Variants in EEA1 observed in about 807,000 individuals in gnomAD.
The protein encoded by EEA1 is early endosome antigen 1.
A neutral mutation model predicts 209.2 loss-of-function variants in EEA1; 111 were observed. The ratio of observed to expected loss-of-function variants is 0.53; its 90% CI spans 0.45 to 0.62. The LOEUF (loss-of-function observed/expected upper bound fraction) is 0.62. EEA1 is among the 20% of genes least tolerant of loss of function. EEA1 has a pLI of 0.00. For synonymous variants in EEA1, 536 were observed against 540.6 expected (o/e 0.99, Z 0.12); for missense variants, 1,343 against 1,530.8 (o/e 0.88, Z 2.05).
At chr12:92,788,939 G>C (rs748475694) in intron 21 of EEA1, among the ~76,000 whole-genome samples, 2 of 151,964 alleles carry the variant, frequency 1.3e-5, no homozygotes, top group Non-Finnish European at 2.9e-5. Flanking sequence ...TGTGAATGTT[G>C]AGACACCCCA....
chr12:92,905,903 T>C (rs1592770770), intron 1 of EEA1, among the ~76,000 whole-genome samples: 1 of 84,498 alleles, frequency 1.2e-5, no homozygotes, highest in African/African-American at 3.8e-5. Context: ...AATTTAGACA[T>C]ATATATATAT....
rs137941402 is a variant in EEA1, at chr12:92,828,699, T to C, written c.1255-638A>G. Among the ~76,000 whole-genome samples the C allele has an allele frequency of 9.9e-5, 15 of 151,944 alleles. No homozygotes were observed. The East Asian group carries it at 2.9e-3, about 29-fold the overall frequency. The stretch of plus-strand genomic sequence containing the variant: ...TTAAAACTAAGGGAGTTAAGAACCA[T>C]CACGAGTAGTCCACCCTGTTATACA... On this transcript the variant is annotated intron_variant, in intron 11 of 28. Transcript: ENST00000322349.
intron 2 of EEA1, chr12:92,883,973 A>G (rs1394044037): frequency 2.2e-5 from 31 of 1,419,602 alleles, no homozygotes; most frequent in East Asian, 1.6e-4. Context: ...ACTGTGGAGG[A>G]GGTGGATGCA....
intron 21 of EEA1, among the ~76,000 whole-genome samples, chr12:92,797,488 G>A (rs540514350): frequency 6.6e-6 from 1 of 152,190 alleles, no homozygotes; most frequent in African/African-American, 2.4e-5. Context: ...TACAGATATG[G>A]AGGGTCAACT....
chr12:92,875,364 A>T (rs924286771), intron 2 of EEA1, among the ~76,000 whole-genome samples: 1 of 152,138 alleles, frequency 6.6e-6, no homozygotes, highest in Non-Finnish European at 1.5e-5. Context: ...TGAACCCAGG[A>T]GGCAGAGATT....
At chr12:92,897,404 T>C (rs1879932809) in intron 1 of EEA1, among the ~76,000 whole-genome samples, 1 of 152,140 alleles carries the variant, frequency 6.6e-6, no homozygotes, top group South Asian at 2.1e-4. Context: ...TGGTTGGCTG[T>C]TTTCTGCAAC....
chr12:92,867,583 C>T (rs894334511), intron 2 of EEA1, among the ~76,000 whole-genome samples: 1 of 152,070 alleles, frequency 6.6e-6, no homozygotes, highest in African/African-American at 2.4e-5. Context: ...AAAACTGCTC[C>T]TTGAATGCTG....
rs139297435 is a variant in EEA1 at position 92,794,921 on chromosome 12, A to G, written c.2967+3971T>C. Among the ~76,000 whole-genome samples the G allele has an allele frequency of 8.1e-3, 1,232 of 152,260 alleles. 25 individuals carry two copies. The highest frequency in any genetic ancestry group is 0.027 in the African/African-American group (1,122 of 41,562). On this transcript the variant is annotated intron_variant, in intron 21 of 28. Transcript: ENST00000322349. Reference sequence around the variant, plus strand: ...ACTTCCCCCAATAAATGGCATTACCAACTACCCACATGCACAAACCCAAGT... The same window carrying G: ...ACTTCCCCCAATAAATGGCATTACCGACTACCCACATGCACAAACCCAAGT...
chr12:92,783,059 A>G (rs1873975113), intron 22 of EEA1, among the ~76,000 whole-genome samples: 1 of 152,238 alleles, frequency 6.6e-6, no homozygotes, highest in Non-Finnish European at 1.5e-5. Context: ...AGTAAATGTA[A>G]GTAAGTTTTC....
At chr12:92,914,100 A>G (rs572160836) in intron 1 of EEA1, among the ~76,000 whole-genome samples, 2 of 152,180 alleles carry the variant, frequency 1.3e-5, no homozygotes, top group South Asian at 2.1e-4. Flanking sequence ...TTTATTGAAT[A>G]AAGTATCCTT....
At chr12:92,852,567 T>C (rs1877677305) in intron 7 of EEA1, among the ~76,000 whole-genome samples, 1 of 152,110 alleles carries the variant, frequency 6.6e-6, no homozygotes, top group Non-Finnish European at 1.5e-5. Context: ...TAAAAACATA[T>C]ATATGTAATA....
At chr12:92,879,882 C>T (rs971627902) in intron 2 of EEA1, among the ~76,000 whole-genome samples, 1 of 152,188 alleles carries the variant, frequency 6.6e-6, no homozygotes, top group Admixed American at 6.5e-5. Context: ...AGGGACCAGG[C>T]ACAGTCCCTG....
chr12:92,852,083 T>C, intron 8 of EEA1, 92 bp downstream of exon 8: 1 of 1,042,186 alleles, frequency 9.6e-7, no homozygotes, highest in Non-Finnish European at 1.3e-6. Context: ...TCACTCAAAT[T>C]ATATTTTTAA....
chr12:92,796,751 C>G (rs76435408), intron 21 of EEA1, among the ~76,000 whole-genome samples: 419 of 152,286 alleles, frequency 2.8e-3, no homozygotes, highest in African/African-American at 9.9e-3. Context: ...CTACCATATA[C>G]ACTGACATTC....
rs1877383692 is a variant in EEA1 at position 92,846,235 on chromosome 12, T to C, written c.799-3654A>G. ...TGACACATTAAGGGTATTATTAATA[T>C]TAAAAAGCCTCCCAAAATCACATTA... On this transcript the variant is annotated intron_variant, in intron 9 of 28. Coordinates refer to ENST00000322349, the MANE Select transcript of EEA1 (RefSeq NM_003566.4). Among the ~76,000 whole-genome samples, 3 of 152,160 alleles carry C rather than the reference T, an allele frequency of 2.0e-5. No homozygotes were observed. In the South Asian group the frequency reaches 6.2e-4, roughly 31 times the overall value.
intron 9 of EEA1, among the ~76,000 whole-genome samples, chr12:92,843,157 AATTATT>A (rs1321713333): frequency 1.3e-5 from 2 of 152,042 alleles, no homozygotes. Flanking sequence ...AGTGCATTTT[AATTATT>A]ATTATTTTTT....
At chr12:92,786,396 C>T (rs751166756) in intron 22 of EEA1, among the ~76,000 whole-genome samples, 1 of 152,134 alleles carries the variant, frequency 6.6e-6, no homozygotes, top group African/African-American at 2.4e-5. Context: ...CTACCTAAAT[C>T]TTGTGTGGTA....
chr12:92,824,052 A>T (rs1360234348), intron 13 of EEA1, among the ~76,000 whole-genome samples: 1 of 152,050 alleles, frequency 6.6e-6, no homozygotes, highest in Admixed American at 6.5e-5. Flanking sequence ...TCACTTCTTT[A>T]TGCAAATCAC....
chr12:92,911,098 A>G (rs1880566814), intron 1 of EEA1, among the ~76,000 whole-genome samples: 1 of 152,130 alleles, frequency 6.6e-6, no homozygotes, highest in South Asian at 2.1e-4. Flanking sequence ...AACTAAACAT[A>G]CTCTTACTAT....
Sources: gnomAD v4.1 joint callset for allele counts (sites outside exome capture counted in the v4.1 genomes callset) on GRCh38, gnomAD v4.1.1 for gene constraint, MANE v1.5 for transcripts, NCBI Gene and HGNC (gene_info 2026-07-23, HGNC 2026-07-21) for gene names.